The following LRP1B variants were observed in gnomAD, a reference collection of about 807,000 sequenced individuals.
LRP1B encodes low-density lipoprotein receptor-related protein 1B.
A neutral mutation model predicts 556.6 loss-of-function variants in LRP1B; 217 were observed. The ratio of observed to expected loss-of-function variants is 0.39; its 90% CI spans 0.35 to 0.44. The LOEUF (loss-of-function observed/expected upper bound fraction) is 0.44, where lower values mean the gene tolerates loss of function less well. Ranked by LOEUF, LRP1B falls within the 20% of genes least tolerant of loss-of-function variation. LRP1B has a pLI of 1.00. For synonymous variants in LRP1B, 2,047 were observed against 1,865.8 expected, an observed-to-expected ratio of 1.10 and a Z score of -2.50; for missense variants, 5,053 against 5,620.8, an observed-to-expected ratio of 0.90 and a Z score of 3.23.
intron 41 of LRP1B, among the ~76,000 whole-genome samples, chr2:140,641,543 T>G (rs751292037): frequency 1.3e-5 from 2 of 152,220 alleles, no homozygotes; most frequent in Admixed American, 6.5e-5. Context: ...CTTGAGACTA[T>G]TTTAAGGATC....
At chr2:141,135,515 C>T (rs914873133) in intron 7 of LRP1B, among the ~76,000 whole-genome samples, 2 of 151,988 alleles carry the variant, frequency 1.3e-5, no homozygotes, top group Non-Finnish European at 2.9e-5. Context: ...GCAACACATG[C>T]ACACGCGTGC....
chr2:141,545,763 G>C (rs72853559), intron 2 of LRP1B, among the ~76,000 whole-genome samples: 51,622 of 151,918 alleles, frequency 0.34, 9,767 homozygotes, highest in Non-Finnish European at 0.43. Context: ...GAATTTTAGA[G>C]AGATGTGGCA....
chr2:141,838,598 G>A (rs947027998), intron 1 of LRP1B, among the ~76,000 whole-genome samples: 1 of 152,098 alleles, frequency 6.6e-6, no homozygotes. Context: ...CTTGTATAGA[G>A]GACATTTTTC....
At chr2:140,234,745 G>A in intron 90 of LRP1B, 41 bp downstream of exon 90, 1 of 764,368 alleles carries the variant, frequency 1.3e-6, no homozygotes, top group Non-Finnish European at 2.4e-6. Context: ...TGAGGGTTCT[G>A]TGATGAAACG....
chr2:140,971,139 T>C (rs1421974783), intron 18 of LRP1B, among the ~76,000 whole-genome samples: 2 of 152,192 alleles, frequency 1.3e-5, no homozygotes, highest in African/African-American at 4.8e-5. Flanking sequence ...AATGTAGTCT[T>C]TGCAGACGTA....
At chr2:140,967,690 T>C (rs1447701603) in intron 18 of LRP1B, among the ~76,000 whole-genome samples, 1 of 151,732 alleles carries the variant, frequency 6.6e-6, no homozygotes, top group Non-Finnish European at 1.5e-5. Flanking sequence ...CATAAATAGC[T>C]CTTATTATTT....
At position 141,106,373 on chromosome 2, in the gene LRP1B, T is replaced by C. The variant is rs564611760; in HGVS notation, c.1014-44100A>G. 3.0e-4 allele frequency among the ~76,000 whole-genome samples: 46 copies of C among 152,302 alleles called. 1 individual carries two copies. In the South Asian group the frequency reaches 9.5e-3, roughly 32 times the overall value. ...AAACACCTAGGTGCTTAAAACCAGA[T>C]ATTTTTAAATCATTTTCTAACTTTT... On this transcript the variant is annotated intron_variant, in intron 7 of 90. Transcript: ENST00000389484.
chr2:141,545,939 A>T (rs570983025), intron 2 of LRP1B, among the ~76,000 whole-genome samples: 19 of 152,174 alleles, frequency 1.2e-4, no homozygotes, highest in Non-Finnish European at 2.4e-4. Flanking sequence ...CTTCTGACTT[A>T]GCAAAGAGTA....
chr2:140,865,877 G>A (rs750049727), intron 27 of LRP1B, among the ~76,000 whole-genome samples: 3 of 152,068 alleles, frequency 2.0e-5, no homozygotes, highest in Admixed American at 6.6e-5. Context: ...GACAATGAAT[G>A]TCTCGTTTCT....
chr2:141,871,884 T>C (rs1057075489), intron 1 of LRP1B, among the ~76,000 whole-genome samples: 7 of 151,750 alleles, frequency 4.6e-5, no homozygotes, highest in Non-Finnish European at 1.0e-4. Context: ...AGACTGAAAA[T>C]ACTAAACACT....
At chr2:141,548,824 C>T (rs1273624264) in intron 2 of LRP1B, among the ~76,000 whole-genome samples, 2 of 152,072 alleles carry the variant, frequency 1.3e-5, no homozygotes, top group East Asian at 3.9e-4. Flanking sequence ...CTTGTGTCAA[C>T]AAAGAGCTAA....
intron 32 of LRP1B, among the ~76,000 whole-genome samples, chr2:140,804,190 C>G (rs537222847): frequency 1.3e-5 from 2 of 152,108 alleles, no homozygotes; most frequent in Admixed American, 1.3e-4. Context: ...GACTCCCCAC[C>G]TTGTTATAAT....
intron 43 of LRP1B, among the ~76,000 whole-genome samples, chr2:140,591,013 A>G (rs183054401): frequency 3.4e-4 from 51 of 152,232 alleles, no homozygotes; most frequent in African/African-American, 1.1e-3. Context: ...TTAGTCACTT[A>G]CTGTTCTAAA....
At chr2:141,489,499 A>T (rs2105109046) in intron 2 of LRP1B, among the ~76,000 whole-genome samples, 1 of 152,078 alleles carries the variant, frequency 6.6e-6, no homozygotes, top group South Asian at 2.1e-4. Flanking sequence ...AAGACTATCA[A>T]GAATGTGAAC....
chr2:140,398,443 A>G (rs573102511), intron 66 of LRP1B, among the ~76,000 whole-genome samples: 47 of 152,230 alleles, frequency 3.1e-4, no homozygotes, highest in Middle Eastern at 3.4e-3. Flanking sequence ...AACACACACA[A>G]ACACATACAC....
intron 31 of LRP1B, among the ~76,000 whole-genome samples, chr2:140,817,137 A>G (rs1691151315): frequency 6.6e-6 from 1 of 152,172 alleles, no homozygotes; most frequent in African/African-American, 2.4e-5. Flanking sequence ...TTATGTCTGT[A>G]TGAAAGGATC....
chr2:141,125,855 A>ACC (rs544473781), intron 7 of LRP1B, among the ~76,000 whole-genome samples: 12 of 149,752 alleles, frequency 8.0e-5, no homozygotes, highest in African/African-American at 3.0e-4. Context: ...AAAAAAAAAA[A>ACC]AAAAAACAAA....
intron 3 of LRP1B, among the ~76,000 whole-genome samples, chr2:141,298,972 A>C (rs62166644): frequency 4.1e-5 from 6 of 144,772 alleles, no homozygotes; most frequent in South Asian, 2.2e-4. Context: ...AAAAAAAAAA[A>C]CCCACAAAAA....
intron 1 of LRP1B, among the ~76,000 whole-genome samples, chr2:142,044,949 A>T (rs778628968): frequency 2.0e-5 from 3 of 151,808 alleles, no homozygotes; most frequent in Admixed American, 6.6e-5. Context: ...AATTTTGTAT[A>T]GACAGCCTGT....
Sources: allele counts gnomAD v4.1 joint callset (sites outside exome capture counted in the v4.1 genomes callset), GRCh38; gene constraint gnomAD v4.1.1; transcripts MANE v1.5; gene names NCBI Gene and HGNC (gene_info 2026-07-23, HGNC 2026-07-21).